The following ZNF347 variants were observed in gnomAD, a reference collection of about 807,000 sequenced individuals.
ZNF347 encodes the protein zinc finger protein 347, also known as CTD-2620I22.7.
In ZNF347, 19 loss-of-function variants were observed where a neutral mutation model predicts 12.9. The observed-to-expected ratio is 1.47, with a 90% CI of 1.03 to 2.16. The LOEUF is 2.16. Ranked by LOEUF, ZNF347 falls within the 30% of genes most tolerant of loss-of-function variation. The pLI is 0.00. For synonymous variants in ZNF347, 328 were observed against 340.6 expected (o/e 0.96, Z 0.41); for missense variants, 1,005 against 990.6 (o/e 1.01, Z -0.19).
At chr19:53,152,394 G>C (rs1389895720) in intron 2 of ZNF347, among the ~76,000 whole-genome samples, 1 of 149,782 alleles carries the variant, frequency 6.7e-6, no homozygotes, top group African/African-American at 2.5e-5. Context: ...ATCACTTCAG[G>C]TCAAAAGTTT....
Position 53,141,854 on chromosome 19 carries a change from AC to A in ZNF347, c.973del (p.Val325SerfsTer37), listed in dbSNP as rs747559737. On this transcript the variant is annotated frameshift_variant, in exon 5 of 5. Coordinates refer to ENST00000334197, the MANE Select transcript of ZNF347 (RefSeq NM_032584.3). LOFTEE classifies it low-confidence loss of function (END_TRUNC). ...KRYKCNECGK[V>X]FSRNSQLSQH... Reference sequence around the variant, plus strand: ...TGAGAGTTGTGAATTTCGACTAAAGACCTTACCACACTCATTACATTTGTAA... The same window carrying A: ...TGAGAGTTGTGAATTTCGACTAAAGACTTACCACACTCATTACATTTGTAA... 1.9e-6 allele frequency: 3 copies of A among 1,613,900 alleles called. No individual in the cohort carries two copies. Among genetic ancestry groups the A allele is most frequent in the South Asian group, 2.2e-5 (2 of 91,048 alleles).
chr19:53,140,061 T>C lies in ZNF347; in HGVS notation c.*247A>G. ...GATTACAGGCGCACGCCACCAGGCC[T>C]AGCTAATTGTGTACTTTTAGTAGAA... On this transcript the variant is annotated 3_prime_UTR_variant, in exon 5 of 5. Transcript: ENST00000334197. 5.0e-6 allele frequency: 2 copies of C among 402,418 alleles called. No individual in the cohort carries two copies. The highest frequency in any genetic ancestry group is 8.8e-6 in the Non-Finnish European group (2 of 227,322). The allele number at this position is 402,418 out of a possible 1,614,324, so 24.9% of individuals were successfully genotyped here. A position where few individuals can be genotyped will look rare whatever the true frequency, so the allele number is the denominator to read the frequency against.
At chr19:53,152,708 A>G (rs1599859893) in intron 2 of ZNF347, among the ~76,000 whole-genome samples, 1 of 152,104 alleles carries the variant, frequency 6.6e-6, no homozygotes, top group East Asian at 1.9e-4. Context: ...AGGCAGGTGG[A>G]TCACGAGGTC....
In ZNF347 at chr19:53,142,294, C is replaced by T. The variant is rs1385292977; in HGVS notation, c.534G>A (p.Lys178=). ...TTAATCCAAGCTGATTTTTAATAAG[C>T]TTGTTTCTTGCATCTCTTTTATCAT... The part of the protein sequence containing the change: ...DEHDKRDARN[K]LIKNQLGLSL... The change falls in exon 5 of 5, where the codon AAG becomes AAA. Residue 178 remains lysine, a synonymous_variant. Transcript: ENST00000334197. The T allele has an allele frequency of 1.1e-5, 18 of 1,613,836 alleles. No individual in the cohort carries two copies. Among genetic ancestry groups the T allele is most frequent in the South Asian group, 2.2e-5 (2 of 91,022 alleles).
chr19:53,141,643 G>A lies in ZNF347; in HGVS notation c.1185C>T (p.His395=). 1 of 1,613,916 alleles carries A rather than the reference G, an allele frequency of 6.2e-7. No individual in the cohort carries two copies. Among genetic ancestry groups the A allele is most frequent in the Non-Finnish European group, 8.5e-7 (1 of 1,179,962 alleles). ...TACATTTGTAAGGTTTTTCTCCACT[G>A]TGGGTTGCCTGATGGATAGCTAAGC... The part of the protein sequence containing the change: ...RSSLAIHQAT[H]SGEKPYKCNE... Residue 395 remains histidine (H), a synonymous_variant, in exon 5 of 5, where the codon CAC becomes CAT. Coordinates refer to ENST00000334197, the MANE Select transcript of ZNF347 (RefSeq NM_032584.3).
chr19:53,145,254 C>A (rs113808720), intron 4 of ZNF347, among the ~76,000 whole-genome samples: 12 of 137,404 alleles, frequency 8.7e-5, no homozygotes, highest in African/African-American at 3.3e-4. Context: ...TTGTGCCATG[C>A]ACTCCAGCCT....
In ZNF347 at chr19:53,135,319, TATATATATATATATATATATAGAGAGAG is replaced by T. The variant is rs1181491520; in HGVS notation, c.*4961_*4988del. On this transcript the variant is annotated 3_prime_UTR_variant, in exon 5 of 5. Coordinates refer to ENST00000334197, the MANE Select transcript of ZNF347 (RefSeq NM_032584.3). ...TTCTAAATATATATATATATATATA[TATATATATATATATATATATAGAGAGAG>T]AGAGAGAGAGAGAGAGAGAGAAAGA... 1.8e-5 allele frequency: 1 copy of T among 56,126 alleles called. No homozygotes were observed. The highest frequency in any genetic ancestry group is 4.1e-5 in the Non-Finnish European group (1 of 24,110). 3.5% of individuals were successfully genotyped at this position (56,126 alleles called of 1,614,324 possible).
rs370408742 is a variant in ZNF347 at position 53,134,980 on chromosome 19, AATGAT to A, written c.*5323_*5327del. On this transcript the variant is annotated 3_prime_UTR_variant, in exon 5 of 5. Coordinates refer to ENST00000334197, the MANE Select transcript of ZNF347 (RefSeq NM_032584.3). The stretch of plus-strand genomic sequence containing the variant: ...TTTAATACAAAGTTACCACAATCAC[AATGAT>A]ATATGAAGATAAACCATTTAAAAAT... 3.0e-3 allele frequency: 459 copies of A among 152,358 alleles called. 4 individuals carry two copies. The highest frequency in any genetic ancestry group is 0.01 in the African/African-American group (422 of 41,578). 9.4% of individuals were successfully genotyped at this position (152,358 alleles called of 1,614,324 possible). A position where few individuals can be genotyped will look rare whatever the true frequency, so the allele number is the denominator to read the frequency against.
chr19:53,149,367 C>T lies in ZNF347; in HGVS notation c.16G>A (p.Gly6Arg), dbSNP rs763944202. The T allele has an allele frequency of 9.3e-6, 15 of 1,613,564 alleles. No individual in the cohort carries two copies. Among genetic ancestry groups the T allele is most frequent in the Non-Finnish European group, 1.3e-5 (15 of 1,179,690 alleles). Residue 6 changes from glycine to arginine, a missense_variant and splice_region_variant, in exon 3 of 5, where the codon GGA (glycine) becomes AGA (arginine). Gly to Arg is a moderately radical substitution (Grantham distance 125). Coordinates refer to ENST00000334197, the MANE Select transcript of ZNF347 (RefSeq NM_032584.3). ...GCCACATCCCTGAATGTCACCTGTC[C>T]CTAAAATGAAAAACACATCCACCAG... MALTQGQVTFRDVAIE... is the reference protein window; with the variant it reads MALTQRQVTFRDVAIE...
intron 4 of ZNF347, among the ~76,000 whole-genome samples, chr19:53,146,239 T>C (rs576976962): frequency 6.6e-6 from 1 of 152,194 alleles, no homozygotes; most frequent in South Asian, 2.1e-4. Flanking sequence ...TCTCCCAAAG[T>C]GCTGGGATTA....
Position 53,142,366 on chromosome 19 carries a change from T to C in ZNF347, c.462A>G (p.Gly154=). ...GATTGCCTTCTTGGGTCAAAAGCACTCCTTTGTAATTTCCTTCAGCATCTC... is the reference window on the plus strand; with the variant it reads ...GATTGCCTTCTTGGGTCAAAAGCACCCCTTTGTAATTTCCTTCAGCATCTC... The part of the protein sequence containing the change: ...QCRDAEGNYK[G]VLLTQEGNLT... The change falls in exon 5 of 5, where the codon GGA becomes GGG. Residue 154 remains glycine (G), a synonymous_variant. Coordinates refer to ENST00000334197, the MANE Select transcript of ZNF347 (RefSeq NM_032584.3). 1.2e-6 allele frequency: 2 copies of C among 1,614,142 alleles called. No homozygotes were observed. The highest frequency in any genetic ancestry group is 1.7e-6 in the Non-Finnish European group (2 of 1,180,020).
At chr19:53,149,438 A>G (rs906162130) in intron 2 of ZNF347, 71 bp from the exon 3 acceptor site, 24 of 1,604,386 alleles carry the variant, frequency 1.5e-5, no homozygotes, top group East Asian at 9.0e-5. Flanking sequence ...ATGAGAAGAC[A>G]GAATAGATTA....
rs766491308 is a variant in ZNF347, at chr19:53,140,450, T to C, written c.2378A>G (p.Tyr793Cys). The C allele has an allele frequency of 6.2e-7, 1 of 1,614,118 alleles. No homozygotes were observed. The highest frequency in any genetic ancestry group is 8.5e-7 in the Non-Finnish European group (1 of 1,179,980). ...HQRIHTGEKP[Y>C]ECGKPFSICS... ...GATACTAAAGGGTTTCCCACACTCA[T>C]ATGGTTTCTCTCCGGTATGAATTCT... is the stretch of plus-strand genomic sequence containing the variant. The change falls in exon 5 of 5, where the codon TAT becomes TGT. Residue 793 changes from tyrosine to cysteine, a missense_variant. Tyr to Cys is a radical substitution (Grantham distance 194, BLOSUM62 -2). Transcript: ENST00000334197.
chr19:53,142,521 G>A lies in ZNF347; in HGVS notation c.307C>T (p.His103Tyr). 7 of 1,599,968 alleles carry A rather than the reference G, an allele frequency of 4.4e-6. No individual in the cohort carries two copies. The highest frequency in any genetic ancestry group is 6.0e-6 in the Non-Finnish European group (7 of 1,174,442). ...SSEFVMKDLL[H>Y]KGKSNTGEVF... ...TCTCCTGTATTACTCTTCCCTTTGT[G>A]TAGTAAATCTTTCATTACAAATTCG... Residue 103 changes from histidine to tyrosine, a missense_variant, in exon 5 of 5, where the codon CAC (histidine) becomes TAC (tyrosine). By Grantham distance (83) the His-to-Tyr change is moderately conservative. Coordinates refer to ENST00000334197, the MANE Select transcript of ZNF347 (RefSeq NM_032584.3).
intron 1 of ZNF347, among the ~76,000 whole-genome samples, chr19:53,156,044 T>TC (rs1461025494): frequency 2.0e-3 from 3 of 1,486 alleles, no homozygotes; most frequent in Non-Finnish European, 4.0e-3. Flanking sequence ...GACTCCCAGC[T>TC]CGGGGGGGGG....
At chr19:53,151,754 T>C (rs2090499512) in intron 2 of ZNF347, among the ~76,000 whole-genome samples, 1 of 152,074 alleles carries the variant, frequency 6.6e-6, no homozygotes, top group Non-Finnish European at 1.5e-5. Context: ...ACAGAAAATA[T>C]TTAAGATACA....
In ZNF347 at chr19:53,138,665, T is replaced by G. The variant is rs886941839; in HGVS notation, c.*1643A>C. 1.3e-5 allele frequency: 2 copies of G among 152,070 alleles called. No homozygotes were observed. The highest frequency in any genetic ancestry group is 4.8e-5 in the African/African-American group (2 of 41,380). The allele number at this position is 152,070 out of a possible 1,614,324, so 9.4% of individuals were successfully genotyped here. On this transcript the variant is annotated 3_prime_UTR_variant, in exon 5 of 5. Coordinates refer to ENST00000334197, the MANE Select transcript of ZNF347 (RefSeq NM_032584.3). Reference sequence around the variant, plus strand: ...ATGATTACATTTTCCCAAAATTGTATGTTGATTCCACAAAGAAAAAAAAAA... The same window carrying G: ...ATGATTACATTTTCCCAAAATTGTAGGTTGATTCCACAAAGAAAAAAAAAA...
At position 53,144,085 on chromosome 19, in the gene ZNF347, C is replaced by T. The variant is rs1227630377; in HGVS notation, c.272-1529G>A. 3.2e-4 allele frequency among the ~76,000 whole-genome samples: 8 copies of T among 24,790 alleles called. No individual in the cohort carries two copies. The East Asian group carries it at 3.7e-3, about 11-fold the overall frequency. 16.3% of individuals were successfully genotyped at this position (24,790 alleles called of 152,430 possible). On this transcript the variant is annotated intron_variant, in intron 4 of 4. Transcript: ENST00000334197. Reference sequence around the variant, plus strand: ...TCTTGCTTTCTTTCTTACTGTCTTCCTTTGTGTTTAAGTGATTTCTCTGGT... The same window carrying T: ...TCTTGCTTTCTTTCTTACTGTCTTCTTTTGTGTTTAAGTGATTTCTCTGGT...
chr19:53,142,424 T>C lies in ZNF347; in HGVS notation c.404A>G (p.Gln135Arg), dbSNP rs1412174435. ...ATACTCAAGGCCATGTGTATTTTTCTGGACTTCCCTGAAGGAACATCCTTC... is the reference window on the plus strand; with the variant it reads ...ATACTCAAGGCCATGTGTATTTTTCCGGACTTCCCTGAAGGAACATCCTTC... ...DIEGCSFREV[Q>R]KNTHGLEYQC... Residue 135 changes from glutamine to arginine, a missense_variant, in exon 5 of 5, where the codon CAG (glutamine) becomes CGG (arginine). By Grantham distance (43) the Gln-to-Arg change is conservative (BLOSUM62 1). Coordinates refer to ENST00000334197, the MANE Select transcript of ZNF347 (RefSeq NM_032584.3). The C allele has an allele frequency of 2.5e-6, 4 of 1,614,026 alleles. No individual in the cohort carries two copies. In the African/African-American group the frequency reaches 4.0e-5, roughly 16 times the overall value.
Sources: allele counts gnomAD v4.1 joint callset (sites outside exome capture counted in the v4.1 genomes callset), GRCh38; gene constraint gnomAD v4.1.1; transcripts MANE v1.5; gene names NCBI Gene and HGNC (gene_info 2026-07-23, HGNC 2026-07-21).